The following ZNF695 variants were observed in gnomAD, a reference collection of about 807,000 sequenced individuals.
The protein encoded by ZNF695 is zinc finger protein SBZF3.
In ZNF695, 11 loss-of-function variants were observed where a neutral mutation model predicts 11.2. The ratio of observed to expected loss-of-function variants is 0.98; its 90% confidence interval spans 0.62 to 1.62. The LOEUF (loss-of-function observed/expected upper bound fraction) is 1.62, where lower values mean the gene tolerates loss of function less well. ZNF695 is among the 40% of genes most tolerant of loss of function. The pLI is 0.00. For missense variants in ZNF695, 559 were observed against 590.5 expected (o/e 0.95, Z 0.55); for synonymous variants, 190 against 201.4 (o/e 0.94, Z 0.48).
intron 5 of ZNF695, among the ~76,000 whole-genome samples, chr1:246,960,703 G>T (rs914944922): frequency 6.6e-6 from 1 of 152,168 alleles, no homozygotes; most frequent in African/African-American, 2.4e-5. Context: ...ACTTTGGGAG[G>T]CTGAGGCCGG....
chr1:246,984,271 C>T (rs1474378146), downstream of ZNF695, among the ~76,000 whole-genome samples: 1 of 84,388 alleles, frequency 1.2e-5, no homozygotes, highest in Non-Finnish European at 2.4e-5. Context: ...GTAGCCATAA[C>T]ACAGGTTTTA....
intron 5 of ZNF695, among the ~76,000 whole-genome samples, chr1:246,951,229 T>G (rs966640836): frequency 1.6e-4 from 25 of 151,984 alleles, no homozygotes; most frequent in African/African-American, 5.8e-4. Context: ...CCCAAAAAGG[T>G]ATGCTGAAGT....
chr1:246,994,909 AAAT>A (rs1669152779), intron 3 of ZNF695, among the ~76,000 whole-genome samples: 1 of 152,220 alleles, frequency 6.6e-6, no homozygotes, highest in Non-Finnish European at 1.5e-5. Flanking sequence ...AAAAGACAAT[AAAT>A]AATAAAAGGT....
chr1:246,957,443 T>C (rs2103002215), intron 5 of ZNF695, among the ~76,000 whole-genome samples: 1 of 152,142 alleles, frequency 6.6e-6, no homozygotes, highest in Non-Finnish European at 1.5e-5. Flanking sequence ...GAAAATCGTA[T>C]GTCTGACTAT....
intron 5 of ZNF695, among the ~76,000 whole-genome samples, chr1:246,958,744 A>G (rs143094216): frequency 7.9e-5 from 12 of 152,318 alleles, no homozygotes; most frequent in African/African-American, 2.9e-4. Context: ...GTGCGAGATA[A>G]TACACGATGT....
intron 5 of ZNF695, among the ~76,000 whole-genome samples, chr1:246,964,887 A>T (rs1475009866): frequency 6.6e-6 from 1 of 152,074 alleles, no homozygotes; most frequent in African/African-American, 2.4e-5. Context: ...AAAAAAATTT[A>T]ATAAAAAATA....
intron 1 of ZNF695, among the ~76,000 whole-genome samples, chr1:247,002,795 G>A (rs1040456978): frequency 2.0e-5 from 3 of 151,888 alleles, no homozygotes; most frequent in Non-Finnish European, 2.9e-5. Flanking sequence ...AAAAAAAAGG[G>A]GGGGGCAGCA....
intron 4 of ZNF695, among the ~76,000 whole-genome samples, chr1:246,972,136 T>C (rs1242211090): frequency 1.3e-5 from 2 of 152,226 alleles, no homozygotes; most frequent in Non-Finnish European, 2.9e-5. Context: ...GAAAGCACTG[T>C]AGCAGGTCGG....
chr1:247,002,108 T>TA (rs912960033), intron 1 of ZNF695, among the ~76,000 whole-genome samples: 68 of 146,982 alleles, frequency 4.6e-4, no homozygotes, highest in Middle Eastern at 3.4e-3. Flanking sequence ...ACCAACAAAT[T>TA]AAAAAAAAAA....
chr1:246,973,893 C>T (rs1170433341), intron 4 of ZNF695, among the ~76,000 whole-genome samples: 1 of 152,146 alleles, frequency 6.6e-6, no homozygotes, highest in Non-Finnish European at 1.5e-5. Flanking sequence ...TGTGAATTCC[C>T]TTTTATTACC....
At position 247,000,016 on chromosome 1, in the gene ZNF695, A is replaced by G; in HGVS notation, c.62T>C (p.Leu21Pro). The G allele has an allele frequency of 6.2e-7, 1 of 1,614,122 alleles. No individual in the cohort carries two copies. Among genetic ancestry groups the G allele is most frequent in the East Asian group, 2.2e-5 (1 of 44,884 alleles). ...ATACAAACTCCGCTGAGCTGGGTCC[A>G]GGCATTCCCACTCCTCTGGAGAGAA... is the stretch of plus-strand genomic sequence containing the variant. ...LEFSPEEWECLDPAQRSLYRD... is the reference protein window; with the variant it reads ...LEFSPEEWECPDPAQRSLYRD... The change falls in exon 2 of 4, where the codon CTG becomes CCG. Residue 21 changes from leucine to proline, a missense_variant. Transcript: ENST00000339986.
chr1:246,982,258 G>C (rs1668727744), downstream of ZNF695, among the ~76,000 whole-genome samples: 1 of 80,214 alleles, frequency 1.2e-5, no homozygotes, highest in South Asian at 4.0e-4. Flanking sequence ...CAAAAAGAGT[G>C]AAACTTAGTC....
At position 246,986,959 on chromosome 1, in the gene ZNF695, G is replaced by C. The variant is rs1668868298; in HGVS notation, c.*8C>G. 1.3e-6 allele frequency: 2 copies of C among 1,554,788 alleles called. No individual in the cohort carries two copies. Among genetic ancestry groups the C allele is most frequent in the South Asian group, 2.5e-5 (2 of 79,604 alleles). On this transcript the variant is annotated 3_prime_UTR_variant, in exon 4 of 4. Transcript: ENST00000339986. ...TATGCCATATTGTTTAGAATTGTAG[G>C]GTTTTTCTCAGGTATGAGTTTTCTC...
At chr1:247,007,778 G>C in intron 1 of ZNF695, 128 bp downstream of exon 1, 6 of 1,103,782 alleles carry the variant, frequency 5.4e-6, no homozygotes, top group Non-Finnish European at 7.3e-6. Flanking sequence ...TGCGCCAGCG[G>C]GACTCGGCCG....
At position 246,999,932 on chromosome 1, in the gene ZNF695, T is replaced by C; in HGVS notation, c.146A>G (p.Asn49Ser). The C allele has an allele frequency of 6.2e-7, 1 of 1,614,094 alleles. No individual in the cohort carries two copies. Among genetic ancestry groups the C allele is most frequent in the Non-Finnish European group, 8.5e-7 (1 of 1,180,002 alleles). ...CTTACTGTGAAATAGGAATTGCATA[T>C]TGAAGCTATCCTCACCAAGGGAGAT... ...NLISLGEDSF[N>S]MQFLFHSLAM... The change falls in exon 2 of 4, where the codon AAT (asparagine) becomes AGT (serine). Residue 49 changes from asparagine to serine, a missense_variant. By Grantham distance (46) the Asn-to-Ser change is conservative (BLOSUM62 1). Transcript: ENST00000339986.
chr1:247,004,404 TA>T (rs1023592155), intron 1 of ZNF695, among the ~76,000 whole-genome samples: 9 of 147,972 alleles, frequency 6.1e-5, no homozygotes, highest in Admixed American at 6.7e-5. Context: ...TTCATTGATT[TA>T]AAAAAAAAAC....
rs1337603525 is a variant in ZNF695, at chr1:247,008,040, G to C, written c.-132C>G. 3.8e-6 allele frequency: 4 copies of C among 1,056,306 alleles called. No individual in the cohort carries two copies. The highest frequency in any genetic ancestry group is 7.0e-5 in the Admixed American group (2 of 28,754). The allele number at this position is 1,056,306 out of a possible 1,614,324, so 65.4% of individuals were successfully genotyped here. A position where few individuals can be genotyped will look rare whatever the true frequency, so the allele number is the denominator to read the frequency against. On this transcript the variant is annotated 5_prime_UTR_variant, in exon 1 of 4. Transcript: ENST00000339986. ...GCAGACGGGAACCCAGCACCCCGCCGGCCGCAAGGAGACAAAGGCCCCGCC... is the reference window on the plus strand; with the variant it reads ...GCAGACGGGAACCCAGCACCCCGCCCGCCGCAAGGAGACAAAGGCCCCGCC...
chr1:246,954,656 G>A (rs1410739071), intron 5 of ZNF695, among the ~76,000 whole-genome samples: 1 of 152,124 alleles, frequency 6.6e-6, no homozygotes, highest in African/African-American at 2.4e-5. Context: ...GCAAATTCCT[G>A]TAAAATGATC....
chr1:246,987,982 T>C lies in ZNF695; in HGVS notation c.533A>G (p.His178Arg). 6.2e-7 allele frequency: 1 copy of C among 1,602,768 alleles called. No individual in the cohort carries two copies. Among genetic ancestry groups the C allele is most frequent in the Non-Finnish European group, 8.5e-7 (1 of 1,176,480 alleles). The change falls in exon 4 of 4, where the codon CAT becomes CGT. Residue 178 changes from histidine to arginine, a missense_variant. Transcript: ENST00000339986. ...GCATTTGAATGGTTTTTCTCCAGTATGGCTTATCTTACATTTATTTAGATT... is the reference window on the plus strand; with the variant it reads ...GCATTTGAATGGTTTTTCTCCAGTACGGCTTATCTTACATTTATTTAGATT... ...FANLNKCKIS[H>R]TGEKPFKCKE...
Sources: gnomAD v4.1 joint callset for allele counts (sites outside exome capture counted in the v4.1 genomes callset) on GRCh38, gnomAD v4.1.1 for gene constraint, MANE v1.5 for transcripts, NCBI Gene and HGNC (gene_info 2026-07-23, HGNC 2026-07-21) for gene names.